DDX6: variants seen among roughly 807,000 people sequenced by gnomAD.
DDX6 encodes probable ATP-dependent RNA helicase DDX6.
DDX6 carries 7 observed loss-of-function variants against 60.6 expected under a neutral mutation model. That is an observed-to-expected ratio of 0.12 (90% CI 0.07 to 0.22). DDX6 has a LOEUF of 0.22. Among genes scored for constraint, DDX6 ranks in the 10% least tolerant of loss-of-function variants. The pLI, the probability that DDX6 is intolerant of heterozygous loss-of-function variation, is 1.00. For missense variants in DDX6, 270 were observed against 589.9 expected, an observed-to-expected ratio of 0.46 and a Z score of 5.62; for synonymous variants, 207 against 201.0, an observed-to-expected ratio of 1.03 and a Z score of -0.25.
intron 4 of DDX6, among the ~76,000 whole-genome samples, chr11:118,775,941 G>A (rs1465396037): frequency 6.6e-6 from 1 of 152,036 alleles, no homozygotes; most frequent in Non-Finnish European, 1.5e-5. Flanking sequence ...GACCAGCCTG[G>A]TCAACATGGC....
At chr11:118,760,144 T>C in intron 7 of DDX6, 100 bp from the exon 8 acceptor site, 1 of 1,113,788 alleles carries the variant, frequency 9.0e-7, no homozygotes, top group South Asian at 1.6e-5. Flanking sequence ...AACAAAAGCA[T>C]CCATGAAATG....
chr11:118,759,096 G>T (rs889713549), intron 8 of DDX6, 194 bp from the exon 9 acceptor site: 20 of 642,828 alleles, frequency 3.1e-5, no homozygotes, highest in African/African-American at 5.6e-5. Context: ...ATCTTGCTCT[G>T]TCACCCAGGC....
chr11:118,758,602 A>G (rs1591888452), intron 9 of DDX6, among the ~76,000 whole-genome samples, 172 bp downstream of exon 9: 1 of 152,010 alleles, frequency 6.6e-6, no homozygotes, highest in Non-Finnish European at 1.5e-5. Context: ...CAAACTCCTG[A>G]CCTCGTGATC....
chr11:118,763,852 A>AAG (rs1555160811), intron 6 of DDX6, among the ~76,000 whole-genome samples: 85 of 146,376 alleles, frequency 5.8e-4, no homozygotes, highest in Non-Finnish European at 9.5e-4. Flanking sequence ...AAAAAAAAAA[A>AAG]AAAGAAAGAA....
Position 118,759,934 on chromosome 11 carries a change from T to C in DDX6, c.852A>G (p.Val284=). 6.2e-7 allele frequency: 1 copy of C among 1,613,560 alleles called. No individual in the cohort carries two copies. The highest frequency in any genetic ancestry group is 8.5e-7 in the Non-Finnish European group (1 of 1,179,764). ...LLYSATFPLS[V]QKFMNSHLQK... ...GATTTATACTCACCATGAACTTCTGTACACTAAGAGGGAAAGTAGCGGAAT... is the reference window on the plus strand; with the variant it reads ...GATTTATACTCACCATGAACTTCTGCACACTAAGAGGGAAAGTAGCGGAAT... Residue 284 remains valine (V), a synonymous_variant, in exon 8 of 14, where the codon GTA becomes GTG. Transcript: ENST00000534980.
At chr11:118,758,389 C>T (rs1369756840) in intron 9 of DDX6, among the ~76,000 whole-genome samples, 4 of 151,476 alleles carry the variant, frequency 2.6e-5, no homozygotes, top group Non-Finnish European at 4.4e-5. Flanking sequence ...TTTTTTCTTC[C>T]CAAGACGGAG....
At chr11:118,767,058 TG>T (rs1165866726) in intron 5 of DDX6, among the ~76,000 whole-genome samples, 1 of 152,030 alleles carries the variant, frequency 6.6e-6, no homozygotes, top group Non-Finnish European at 1.5e-5. Flanking sequence ...AGCTAATTTT[TG>T]TATTTTTAGT....
At chr11:118,772,763 T>C (rs774936211) in intron 4 of DDX6, among the ~76,000 whole-genome samples, 16 of 152,232 alleles carry the variant, frequency 1.1e-4, no homozygotes, top group East Asian at 1.9e-4. Flanking sequence ...AGATAATGAC[T>C]GAAGAGTATT....
In DDX6 at chr11:118,754,722, T is replaced by C; in HGVS notation, c.1442A>G (p.Glu481Gly). The C allele has an allele frequency of 1.2e-6, 2 of 1,607,028 alleles. No individual in the cohort carries two copies. Among genetic ancestry groups the C allele is most frequent in the Non-Finnish European group, 1.7e-6 (2 of 1,178,118 alleles). ...AEYHSEPVED[E>G]KP The stretch of plus-strand genomic sequence containing the variant: ...GGACGTACATGCTTGTTAAGGTTTC[T>C]CATCTTCTACAGGCTCGCTGTGGTA... Residue 481 changes from glutamate (E) to glycine (G), a missense_variant, in exon 13 of 14, where the codon GAG becomes GGG. Physicochemically the swap from Glu to Gly is moderately conservative, Grantham distance 98. Transcript: ENST00000534980.
intron 13 of DDX6, among the ~76,000 whole-genome samples, chr11:118,753,751 GTAAA>G (rs1860866483): frequency 6.6e-6 from 1 of 152,062 alleles, no homozygotes; most frequent in Non-Finnish European, 1.5e-5. Flanking sequence ...GAAATTAAGA[GTAAA>G]TGCTAAAAAC....
intron 4 of DDX6, among the ~76,000 whole-genome samples, chr11:118,771,637 C>A (rs1464776727): frequency 6.6e-6 from 1 of 152,202 alleles, no homozygotes; most frequent in Non-Finnish European, 1.5e-5. Context: ...AGGAAGGAAA[C>A]GAAAACTTTT....
At chr11:118,776,879 T>C (rs370898384) in intron 4 of DDX6, among the ~76,000 whole-genome samples, 56 of 150,106 alleles carry the variant, frequency 3.7e-4, no homozygotes, top group African/African-American at 1.3e-3. Flanking sequence ...GTAGATAAAA[T>C]GGCTTAACAT....
At chr11:118,757,313 A>G in intron 9 of DDX6, 26 bp from the exon 10 acceptor site, 1 of 1,311,880 alleles carries the variant, frequency 7.6e-7, no homozygotes, top group Non-Finnish European at 1.0e-6. Flanking sequence ...AATAAGTATG[A>G]GAAAAATAAA....
chr11:118,781,188 G>A lies in DDX6; in HGVS notation c.201-4C>T, dbSNP rs782068966. On this transcript the variant is annotated splice_region_variant and splice_polypyrimidine_tract_variant and intron_variant, in intron 2 of 13. Transcript: ENST00000534980. Reference sequence around the variant, plus strand: ...CTTTTTCCAGTCATCACCAGGTCTAGAGAGAATACAGTAAACTTGAAGTAT... The same window carrying A: ...CTTTTTCCAGTCATCACCAGGTCTAAAGAGAATACAGTAAACTTGAAGTAT... The A allele has an allele frequency of 6.3e-7, 1 of 1,589,152 alleles. No individual in the cohort carries two copies. The highest frequency in any genetic ancestry group is 1.1e-5 in the South Asian group (1 of 88,806).
chr11:118,785,459 C>T (rs1475081893), intron 2 of DDX6, among the ~76,000 whole-genome samples: 2 of 151,766 alleles, frequency 1.3e-5, no homozygotes, highest in East Asian at 1.9e-4. Context: ...CCCACATTGG[C>T]CTCCCCAAAG....
chr11:118,779,088 C>G (rs782295909), intron 4 of DDX6, among the ~76,000 whole-genome samples: 1 of 138,082 alleles, frequency 7.2e-6, no homozygotes, highest in Non-Finnish European at 1.5e-5. Flanking sequence ...CCCATGAGGT[C>G]AAGGCTGCAG....
chr11:118,785,004 G>A (rs1862027892), intron 2 of DDX6, among the ~76,000 whole-genome samples: 1 of 152,202 alleles, frequency 6.6e-6, no homozygotes, highest in South Asian at 2.1e-4. Flanking sequence ...CCGACCTCAG[G>A]TGATCCGCCC....
In DDX6 at chr11:118,779,761, A is replaced by G. The variant is rs558965777; in HGVS notation, c.265-25T>C. On this transcript the variant is annotated intron_variant, in intron 3 of 13. Coordinates refer to ENST00000534980, the MANE Select transcript of DDX6 (RefSeq NM_004397.6). ...CCTAGTCAAACAAAAAGGAACAATA[A>G]AAGAATAAATAACACTGTTGGTAAA... 50 of 1,513,118 alleles carry G rather than the reference A, an allele frequency of 3.3e-5. No individual in the cohort carries two copies. The African/African-American group carries it at 5.2e-4, about 16-fold the overall frequency. The allele number at this position is 1,513,118 out of a possible 1,614,324, so 93.7% of individuals were successfully genotyped here. A position where few individuals can be genotyped will look rare whatever the true frequency, so the allele number is the denominator to read the frequency against.
At chr11:118,755,676 G>A (rs1239136220) in intron 11 of DDX6, among the ~76,000 whole-genome samples, 173 bp from the exon 12 acceptor site, 1 of 151,978 alleles carries the variant, frequency 6.6e-6, no homozygotes, top group Admixed American at 6.6e-5. Context: ...ATAACTTTCT[G>A]CTCCCAAGTT....
Sources: allele counts gnomAD v4.1 joint callset (sites outside exome capture counted in the v4.1 genomes callset), GRCh38; gene constraint gnomAD v4.1.1; transcripts MANE v1.5; gene names NCBI Gene and HGNC (gene_info 2026-07-23, HGNC 2026-07-21).